CNIH3: variants seen among roughly 807,000 people sequenced by gnomAD.
CNIH3 encodes the protein cornichon family AMPA receptor auxiliary protein 3.
A neutral mutation model predicts 24.1 loss-of-function variants in CNIH3; 14 were observed. The ratio of observed to expected loss-of-function variants is 0.58; its 90% CI spans 0.38 to 0.91. CNIH3 has a LOEUF of 0.91. Among genes scored for constraint, CNIH3 ranks in the 40% least tolerant of loss-of-function variants. The pLI, the probability that CNIH3 is intolerant of heterozygous loss-of-function variation, is 0.00. For missense variants in CNIH3, 178 were observed against 196.8 expected (o/e 0.90, Z 0.57); for synonymous variants, 68 against 73.8 (o/e 0.92, Z 0.40).
chr1:224,608,727 A>C (rs1682546654), intron 3 of CNIH3, among the ~76,000 whole-genome samples: 1 of 152,216 alleles, frequency 6.6e-6, no homozygotes, highest in African/African-American at 2.4e-5. Flanking sequence ...GCATAAGACA[A>C]TATGAGGGGT....
At chr1:224,672,589 T>C (rs898255925) in intron 1 of CNIH3, among the ~76,000 whole-genome samples, 1 of 152,220 alleles carries the variant, frequency 6.6e-6, no homozygotes, top group Non-Finnish European at 1.5e-5. Context: ...CCTCGGCTGA[T>C]AGCTGTGTCC....
At chr1:224,461,958 G>A (rs1034389909) in intron 1 of CNIH3, among the ~76,000 whole-genome samples, 5 of 152,006 alleles carry the variant, frequency 3.3e-5, no homozygotes, top group African/African-American at 4.8e-5. Flanking sequence ...GTTCATCCAC[G>A]TTGTAGCATT....
At chr1:224,577,925 G>A (rs756530273) in intron 4 of CNIH3, among the ~76,000 whole-genome samples, 4 of 152,106 alleles carry the variant, frequency 2.6e-5, no homozygotes, top group Non-Finnish European at 5.9e-5. Context: ...AAAACAATCT[G>A]GATGGAGTTG....
chr1:224,567,275 G>A (rs1029170558), intron 4 of CNIH3, among the ~76,000 whole-genome samples: 2 of 152,112 alleles, frequency 1.3e-5, no homozygotes, highest in Admixed American at 6.6e-5. Flanking sequence ...TTAGCCCTTT[G>A]TCAGATGGAT....
chr1:224,541,218 A>G (rs1243414212), downstream of CNIH3, among the ~76,000 whole-genome samples: 1 of 152,196 alleles, frequency 6.6e-6, no homozygotes, highest in Non-Finnish European at 1.5e-5. Context: ...GAAAATATAG[A>G]TGAGTACCGT....
intron 1 of CNIH3, among the ~76,000 whole-genome samples, chr1:224,475,896 A>C (rs759893840): frequency 2.0e-5 from 3 of 152,224 alleles, no homozygotes; most frequent in Non-Finnish European, 2.9e-5. Flanking sequence ...AGCATTCATC[A>C]TTACCAAGTG....
At chr1:224,592,940 G>T (rs916488542), downstream of CNIH3, among the ~76,000 whole-genome samples, 3 of 152,138 alleles carry the variant, frequency 2.0e-5, no homozygotes, top group Non-Finnish European at 2.9e-5. Context: ...TGTTTACAGT[G>T]CCTGTTTAGT....
intron 5 of CNIH3, among the ~76,000 whole-genome samples, chr1:224,735,977 G>A (rs1417046083): frequency 2.6e-5 from 4 of 151,952 alleles, no homozygotes; most frequent in Non-Finnish European, 5.9e-5. Flanking sequence ...AGCTTTGTAC[G>A]TATCGCTCAA....
intron 1 of CNIH3, among the ~76,000 whole-genome samples, chr1:224,621,872 A>T (rs575260444): frequency 2.0e-5 from 3 of 152,174 alleles, no homozygotes; most frequent in Non-Finnish European, 4.4e-5. Context: ...TGTTGTGGGA[A>T]GGATCTGGTG....
chr1:224,590,257 T>C (rs1681695484), downstream of CNIH3, among the ~76,000 whole-genome samples: 1 of 152,210 alleles, frequency 6.6e-6, no homozygotes, highest in East Asian at 1.9e-4. Flanking sequence ...AATGAATGAT[T>C]AAAGCCCAAA....
intron 1 of CNIH3, among the ~76,000 whole-genome samples, chr1:224,517,478 A>G (rs1419644422): frequency 6.6e-6 from 1 of 151,632 alleles, no homozygotes; most frequent in African/African-American, 2.4e-5. Flanking sequence ...TTTGTAGTTT[A>G]TTATTATTAT....
intron 4 of CNIH3, chr1:224,574,575 G>T: frequency 1.3e-6 from 1 of 779,576 alleles, no homozygotes; most frequent in Non-Finnish European, 2.4e-6. Flanking sequence ...CTGTGCCCAC[G>T]TGTACCAGAA....
chr1:224,599,469 A>G (rs528195008), intron 3 of CNIH3, among the ~76,000 whole-genome samples: 25 of 152,308 alleles, frequency 1.6e-4, no homozygotes, highest in African/African-American at 6.0e-4. Context: ...AAATAGAAAC[A>G]ACTTAAAAAC....
intron 3 of CNIH3, among the ~76,000 whole-genome samples, chr1:224,553,571 A>G (rs916627472): frequency 6.6e-6 from 1 of 152,080 alleles, no homozygotes; most frequent in African/African-American, 2.4e-5. Context: ...GCATCCCTTC[A>G]GGCTGTTAGT....
rs1236181286 is a variant in CNIH3, at chr1:224,740,314, G to T, written c.*958G>T. The T allele has an allele frequency of 6.6e-6, 1 of 152,152 alleles. No individual in the cohort carries two copies. Among genetic ancestry groups the T allele is most frequent in the South Asian group, 2.1e-4 (1 of 4,824 alleles). 9.4% of individuals were successfully genotyped at this position (152,152 alleles called of 1,614,324 possible). A position where few individuals can be genotyped will look rare whatever the true frequency, so the allele number is the denominator to read the frequency against. The stretch of plus-strand genomic sequence containing the variant: ...ATTTTCCGTTTGGCATTCTCTTTTG[G>T]GTGGGAGTTATGCTGGGGGTTGTAA... On this transcript the variant is annotated 3_prime_UTR_variant, in exon 6 of 6. Coordinates refer to ENST00000272133, the MANE Select transcript of CNIH3 (RefSeq NM_152495.2).
In CNIH3 at chr1:224,585,850, A is replaced by T. The variant is rs139461489; in HGVS notation, n.621-2511A>T. ...ACATGAATCAATGGCTCAAAGGAGGATGTAGATAGCACAGGGGTCGTGGTT... is the reference window on the plus strand; with the variant it reads ...ACATGAATCAATGGCTCAAAGGAGGTTGTAGATAGCACAGGGGTCGTGGTT... On this transcript the variant is annotated intron_variant and non_coding_transcript_variant, in intron 5 of 5. Transcript: ENST00000471578. 4.6e-5 allele frequency among the ~76,000 whole-genome samples: 7 copies of T among 152,256 alleles called. No individual in the cohort carries two copies. In the East Asian group the frequency reaches 1.4e-3, roughly 29 times the overall value.
At chr1:224,539,715 G>A (rs943045033), downstream of CNIH3, among the ~76,000 whole-genome samples, 1 of 152,092 alleles carries the variant, frequency 6.6e-6, no homozygotes, top group Admixed American at 6.5e-5. Flanking sequence ...TTTTGCTTAT[G>A]CTATCCGTGA....
intron 1 of CNIH3, among the ~76,000 whole-genome samples, chr1:224,499,769 T>C (rs1677578425): frequency 6.6e-6 from 1 of 151,784 alleles, no homozygotes; most frequent in Non-Finnish European, 1.5e-5. Context: ...ACAAAAGAAG[T>C]CTAGAGTCAG....
chr1:224,465,495 CT>C (rs1676118277), intron 1 of CNIH3, among the ~76,000 whole-genome samples: 1 of 152,188 alleles, frequency 6.6e-6, no homozygotes, highest in Admixed American at 6.5e-5. Flanking sequence ...AGGAGTCTAC[CT>C]TTGTTTCCCT....
Sources: gnomAD v4.1 joint callset for allele counts (sites outside exome capture counted in the v4.1 genomes callset) on GRCh38, gnomAD v4.1.1 for gene constraint, MANE v1.5 for transcripts, NCBI Gene and HGNC (gene_info 2026-07-23, HGNC 2026-07-21) for gene names.